PAPSS1: variants seen among roughly 807,000 people sequenced by gnomAD.
PAPSS1 encodes the protein bifunctional 3'-phosphoadenosine 5'-phosphosulfate synthase 1.
In PAPSS1, 50 loss-of-function variants were observed where a neutral mutation model predicts 72.0. The ratio of observed to expected loss-of-function variants is 0.69; its 90% CI spans 0.55 to 0.88. The LOEUF (loss-of-function observed/expected upper bound fraction) is 0.88, where lower values mean the gene tolerates loss of function less well. Ranked by LOEUF, PAPSS1 falls within the 40% of genes least tolerant of loss-of-function variation. PAPSS1 has a pLI of 0.00. For missense variants in PAPSS1, 657 were observed against 782.2 expected (o/e 0.84, Z 1.91); for synonymous variants, 261 against 263.6 (o/e 0.99, Z 0.09).
intron 5 of PAPSS1, among the ~76,000 whole-genome samples, chr4:107,678,607 T>A (rs1269196864): frequency 1.3e-5 from 2 of 151,924 alleles, no homozygotes; most frequent in Non-Finnish European, 2.9e-5. Context: ...ACAGCTAAAA[T>A]GTCTTTAAAA....
intron 1 of PAPSS1, among the ~76,000 whole-genome samples, chr4:107,704,802 T>C (rs1723293968): frequency 6.6e-6 from 1 of 152,002 alleles, no homozygotes; most frequent in South Asian, 2.1e-4. Flanking sequence ...AATACAAAAA[T>C]TAGCCGGGAA....
chr4:107,615,365 C>A (rs189995897), intron 11 of PAPSS1, among the ~76,000 whole-genome samples: 6 of 152,254 alleles, frequency 3.9e-5, no homozygotes, highest in Admixed American at 3.9e-4. Context: ...AGCCTGTTTA[C>A]TTCTAGTTGG....
At chr4:107,655,392 T>C (rs541730360) in intron 7 of PAPSS1, among the ~76,000 whole-genome samples, 4 of 152,178 alleles carry the variant, frequency 2.6e-5, no homozygotes, top group African/African-American at 4.8e-5. Flanking sequence ...ATCCTTGAGA[T>C]AGGAAGACAG....
intron 5 of PAPSS1, among the ~76,000 whole-genome samples, chr4:107,668,880 T>G (rs1351884864): frequency 1.3e-5 from 2 of 152,174 alleles, no homozygotes; most frequent in East Asian, 3.9e-4. Context: ...GCATTCGCTT[T>G]CAGCACACAC....
intron 2 of PAPSS1, among the ~76,000 whole-genome samples, chr4:107,698,032 A>C (rs1723113936): frequency 6.6e-6 from 1 of 152,184 alleles, no homozygotes; most frequent in African/African-American, 2.4e-5. Context: ...CCACAAACTT[A>C]ATTTCAAACT....
intron 3 of PAPSS1, among the ~76,000 whole-genome samples, chr4:107,687,519 T>C (rs191103058): frequency 3.6e-3 from 550 of 152,260 alleles, no homozygotes; most frequent in South Asian, 7.9e-3. Flanking sequence ...TAATATCACA[T>C]TCAAACCCAG....
intron 1 of PAPSS1, among the ~76,000 whole-genome samples, chr4:107,718,662 T>C (rs1723696935): frequency 6.6e-6 from 1 of 152,222 alleles, no homozygotes; most frequent in South Asian, 2.1e-4. Flanking sequence ...CACCACCATG[T>C]CTAGCACAAG....
chr4:107,704,968 A>C (rs1723298584), intron 1 of PAPSS1, among the ~76,000 whole-genome samples: 2 of 152,160 alleles, frequency 1.3e-5, no homozygotes, highest in Middle Eastern at 6.8e-3. Flanking sequence ...AAAAAGAAAA[A>C]ATTGCCTATG....
intron 5 of PAPSS1, among the ~76,000 whole-genome samples, chr4:107,678,246 T>TAA (rs3035994): frequency 7.9e-5 from 12 of 151,338 alleles, no homozygotes; most frequent in African/African-American, 2.2e-4. Context: ...ATAAAAAAAA[T>TAA]AAGAGATGGA....
intron 11 of PAPSS1, among the ~76,000 whole-genome samples, chr4:107,620,050 T>A (rs1032117293): frequency 3.9e-5 from 6 of 152,218 alleles, no homozygotes; most frequent in African/African-American, 1.2e-4. Context: ...TACATGGCCA[T>A]CAGAGCCACC....
In PAPSS1 at chr4:107,685,055, G is replaced by A. The variant is rs186496993; in HGVS notation, c.550+1984C>T. Among the ~76,000 whole-genome samples the A allele has an allele frequency of 1.6e-3, 251 of 152,204 alleles. No individual in the cohort carries two copies. The Middle Eastern group carries it at 0.017, about 10-fold the overall frequency. ...TGAGTAGCTGGGACTACAGGCGCCC[G>A]CCACCATGCTGACTAATTTTTTGTA... On this transcript the variant is annotated intron_variant, in intron 4 of 11. Coordinates refer to ENST00000265174, the MANE Select transcript of PAPSS1 (RefSeq NM_005443.5).
In PAPSS1 at chr4:107,693,963, C is replaced by A; in HGVS notation, c.219G>T (p.Glu73Asp). 1.2e-6 allele frequency: 2 copies of A among 1,613,716 alleles called. No homozygotes were observed. The highest frequency in any genetic ancestry group is 1.7e-6 in the Non-Finnish European group (2 of 1,179,828). The change falls in exon 3 of 12, where the codon GAG (glutamate) becomes GAT (aspartate). Residue 73 changes from glutamate (E) to aspartate (D), a missense_variant. Glu to Asp is a conservative substitution (Grantham distance 45, BLOSUM62 2). Around this residue, in one of 7 missense-constraint regions of PAPSS1, gnomAD observed 119 missense variants for 171.1 expected, o/e 0.70. Transcript: ENST00000265174. ...AGKTTVSMAL[E>D]EYLVCHGIPC... is the part of the protein sequence containing the mutation. Reference sequence around the variant, plus strand: ...GAATACCATGACAAACCAGGTACTCCTCCAAGGCCATGCTCACAGTAGTCT... The same window carrying A: ...GAATACCATGACAAACCAGGTACTCATCCAAGGCCATGCTCACAGTAGTCT...
At chr4:107,629,472 A>G (rs1377607701) in intron 11 of PAPSS1, among the ~76,000 whole-genome samples, 2 of 152,210 alleles carry the variant, frequency 1.3e-5, no homozygotes, top group Non-Finnish European at 2.9e-5. Context: ...CACGATTCTG[A>G]CTGTAAAATT....
chr4:107,669,189 T>C (rs1407798031), intron 5 of PAPSS1, among the ~76,000 whole-genome samples: 3 of 152,222 alleles, frequency 2.0e-5, no homozygotes, highest in African/African-American at 7.2e-5. Context: ...GTACACATTA[T>C]AGCAAGTCAC....
intron 3 of PAPSS1, among the ~76,000 whole-genome samples, chr4:107,693,438 G>A (rs1449583131): frequency 2.0e-5 from 3 of 152,184 alleles, no homozygotes; most frequent in Admixed American, 6.5e-5. Flanking sequence ...GATTTTCTCC[G>A]GAGTTTGACA....
Position 107,659,964 on chromosome 4 carries a change from T to C in PAPSS1, c.778A>G (p.Asn260Asp). The change falls in exon 6 of 12, where the codon AAT (asparagine) becomes GAT (aspartate). Residue 260 changes from asparagine (N) to aspartate (D), a missense_variant. Asn to Asp is a conservative substitution (Grantham distance 23). This residue lies in a region of PAPSS1 where 190 missense variants were observed against 176.7 expected (regional missense o/e 1.07). Coordinates refer to ENST00000265174, the MANE Select transcript of PAPSS1 (RefSeq NM_005443.5). ...AAAAGCAACGAAGAACTTACTTTAT[T>C]AATTTTCAGTGCTGGTAATGTTTCC... ...DAETLPALKI[N>D]KVDMQWVQVL... The C allele has an allele frequency of 1.9e-6, 3 of 1,554,104 alleles. No homozygotes were observed. Among genetic ancestry groups the C allele is most frequent in the Non-Finnish European group, 2.7e-6 (3 of 1,127,784 alleles).
At chr4:107,619,726 C>T (rs781652903) in intron 11 of PAPSS1, among the ~76,000 whole-genome samples, 7 of 152,202 alleles carry the variant, frequency 4.6e-5, no homozygotes, top group South Asian at 2.1e-4. Context: ...CATTTCACTA[C>T]ATTAGTTAAC....
chr4:107,621,608 C>CTTTTTTTTTTTTTTTTTTTTTTTTT lies in PAPSS1; in HGVS notation c.1737-7246_1737-7222dup, dbSNP rs10670438. 2.5e-4 allele frequency among the ~76,000 whole-genome samples: 12 copies of CTTTTTTTTTTTTTTTTTTTTTTTTT among 48,154 alleles called. 4 individuals carry two copies. Among genetic ancestry groups the CTTTTTTTTTTTTTTTTTTTTTTTTT allele is most frequent in the Non-Finnish European group, 3.9e-4 (10 of 25,740 alleles). The allele number at this position is 48,154 out of a possible 152,430, so 31.6% of individuals were successfully genotyped here. ...CTTTCTAGGAAGACAGGTTTTTTAT[C>CTTTTTTTTTTTTTTTTTTTTTTTTT]TTTTTTTTTTTTTTTTTTTTTTTTT... On this transcript the variant is annotated intron_variant, in intron 11 of 11. Transcript: ENST00000265174.
intron 5 of PAPSS1, among the ~76,000 whole-genome samples, chr4:107,678,246 T>A (rs200818185): frequency 6.6e-5 from 10 of 151,332 alleles, no homozygotes; most frequent in Non-Finnish European, 1.3e-4. Context: ...ATAAAAAAAA[T>A]AAGAGATGGA....
Sources: gnomAD v4.1 joint callset for allele counts (sites outside exome capture counted in the v4.1 genomes callset) on GRCh38, gnomAD v4.1.1 for gene constraint, gnomAD v4.1.1 regional missense constraint, MANE v1.5 for transcripts, NCBI Gene and HGNC (gene_info 2026-07-23, HGNC 2026-07-21) for gene names.